Variants in CCDC102B observed in about 807,000 individuals in gnomAD.
CCDC102B encodes the protein coiled-coil domain containing 102B, also known as coiled-coil domain-containing protein 102B.
CCDC102B carries 75 observed loss-of-function variants against 57.4 expected under a neutral mutation model. That is an observed-to-expected ratio of 1.31 (90% CI 1.08 to 1.58). The LOEUF (loss-of-function observed/expected upper bound fraction) is 1.58, where lower values mean the gene tolerates loss of function less well. CCDC102B is among the 40% of genes most tolerant of loss of function. The pLI, the probability that CCDC102B is intolerant of heterozygous loss-of-function variation, is 0.00. For missense variants in CCDC102B, 636 were observed against 582.6 expected (o/e 1.09, Z -0.94); for synonymous variants, 206 against 201.9 (o/e 1.02, Z -0.17).
chr18:68,906,307 T>C (rs1306528786), intron 6 of CCDC102B, among the ~76,000 whole-genome samples: 1 of 152,210 alleles, frequency 6.6e-6, no homozygotes, highest in Non-Finnish European at 1.5e-5. Context: ...ATTATTTGAA[T>C]ATCTGTTTTC....
intron 2 of CCDC102B, among the ~76,000 whole-genome samples, chr18:68,784,051 A>C (rs760171292): frequency 1.3e-5 from 2 of 152,188 alleles, no homozygotes; most frequent in Non-Finnish European, 2.9e-5. Flanking sequence ...CTTAAGCTGC[A>C]CTGGCTTACC....
At chr18:68,862,823 A>T (rs1311121954) in intron 4 of CCDC102B, among the ~76,000 whole-genome samples, 1 of 152,056 alleles carries the variant, frequency 6.6e-6, no homozygotes, top group African/African-American at 2.4e-5. Flanking sequence ...GGCTATATAC[A>T]AAAATAGAAA....
At chr18:68,753,396 T>G (rs2033935408) in intron 2 of CCDC102B, 1 of 152,100 alleles carries the variant, frequency 6.6e-6, no homozygotes, top group African/African-American at 2.4e-5. Context: ...ATATCTCCAG[T>G]CTTGGGGATA....
chr18:68,717,217 C>T (rs1024702803), intron 2 of CCDC102B, among the ~76,000 whole-genome samples: 2 of 152,142 alleles, frequency 1.3e-5, no homozygotes, highest in Non-Finnish European at 2.9e-5. Flanking sequence ...GCATTCCAGC[C>T]TGGCAACAGA....
chr18:68,894,950 A>G (rs2040194070), intron 5 of CCDC102B, among the ~76,000 whole-genome samples: 1 of 151,960 alleles, frequency 6.6e-6, no homozygotes, highest in Non-Finnish European at 1.5e-5. Flanking sequence ...AACATTTAAA[A>G]GAATACTGCA....
intron 2 of CCDC102B, among the ~76,000 whole-genome samples, chr18:68,789,358 T>A (rs940848498): frequency 2.0e-5 from 3 of 152,158 alleles, no homozygotes; most frequent in Non-Finnish European, 4.4e-5. Flanking sequence ...CTGTATTTCC[T>A]GAATCTGAAC....
intron 2 of CCDC102B, among the ~76,000 whole-genome samples, chr18:68,739,900 C>T (rs140851935): frequency 6.6e-6 from 1 of 152,156 alleles, no homozygotes; most frequent in African/African-American, 2.4e-5. Context: ...TTGTTGTGTG[C>T]TGCCTTCTGA....
chr18:68,933,188 T>C (rs2145146102), intron 6 of CCDC102B, among the ~76,000 whole-genome samples: 1 of 151,990 alleles, frequency 6.6e-6, no homozygotes, highest in Non-Finnish European at 1.5e-5. Context: ...CAACATTTGT[T>C]AGTGGAGAAT....
At chr18:68,924,895 G>C (rs1025609522) in intron 6 of CCDC102B, among the ~76,000 whole-genome samples, 1 of 152,048 alleles carries the variant, frequency 6.6e-6, no homozygotes, top group African/African-American at 2.4e-5. Flanking sequence ...CAGGGGGCTA[G>C]TTAAAATACT....
chr18:68,876,812 A>G (rs1283864890), intron 5 of CCDC102B, among the ~76,000 whole-genome samples: 1 of 152,210 alleles, frequency 6.6e-6, no homozygotes, highest in East Asian at 1.9e-4. Context: ...CACTGGAGAA[A>G]AATAACAGTC....
Position 68,864,752 on chromosome 18 carries a change from T to C in CCDC102B, c.937-9917T>C, listed in dbSNP as rs558237544. On this transcript the variant is annotated intron_variant, in intron 4 of 7. Transcript: ENST00000360242. The stretch of plus-strand genomic sequence containing the variant: ...TCTTGCTCATTATTACATGAATTAA[T>C]TTTTGTACTGATAATAAAAAGATAC... Among the ~76,000 whole-genome samples the C allele has an allele frequency of 7.9e-5, 12 of 152,178 alleles. No homozygotes were observed. In the East Asian group the frequency reaches 1.9e-3, roughly 24 times the overall value.
At chr18:68,830,194 G>A (rs2037087390) in intron 1 of CCDC102B, among the ~76,000 whole-genome samples, 1 of 151,932 alleles carries the variant, frequency 6.6e-6, no homozygotes, top group South Asian at 2.1e-4. Flanking sequence ...TGTTTACATA[G>A]TAATGTAAAT....
chr18:69,038,100 G>T lies in CCDC102B; in HGVS notation c.1435-15930G>T, dbSNP rs190940874. ...CAGCCACCTCTATCACTATTTTGTG[G>T]TATTTTTGTTTTTATTTTTATATAT... On this transcript the variant is annotated intron_variant, in intron 7 of 7. Coordinates refer to ENST00000360242, the MANE Select transcript of CCDC102B (RefSeq NM_024781.3). 2.0e-5 allele frequency among the ~76,000 whole-genome samples: 3 copies of T among 151,800 alleles called. No individual in the cohort carries two copies. The Admixed American group carries it at 2.0e-4, about 10-fold the overall frequency.
At chr18:68,949,994 C>A (rs1220275019) in intron 6 of CCDC102B, among the ~76,000 whole-genome samples, 1 of 152,000 alleles carries the variant, frequency 6.6e-6, no homozygotes, top group East Asian at 1.9e-4. Flanking sequence ...GTCTATAATT[C>A]CTAAAATATT....
intron 6 of CCDC102B, among the ~76,000 whole-genome samples, chr18:68,976,659 A>G (rs1310155565): frequency 6.6e-6 from 1 of 152,016 alleles, no homozygotes. Flanking sequence ...ATGACCTTTT[A>G]AACATGATTT....
In CCDC102B at chr18:68,972,416, T is replaced by C. The variant is rs2050326632; in HGVS notation, c.1264-38518T>C. On this transcript the variant is annotated intron_variant, in intron 6 of 7. Coordinates refer to ENST00000360242, the MANE Select transcript of CCDC102B (RefSeq NM_024781.3). ...AGGGAAACCTGTGTCTTCCTAGGTTTCCAGGAATATTAGGGATTTCATTAC... is the reference window on the plus strand; with the variant it reads ...AGGGAAACCTGTGTCTTCCTAGGTTCCCAGGAATATTAGGGATTTCATTAC... Among the ~76,000 whole-genome samples the C allele has an allele frequency of 2.0e-5, 3 of 152,252 alleles. No homozygotes were observed. In the South Asian group the frequency reaches 6.2e-4, roughly 32 times the overall value.
chr18:68,997,549 A>G (rs1305560032), intron 6 of CCDC102B, among the ~76,000 whole-genome samples: 5 of 152,160 alleles, frequency 3.3e-5, no homozygotes, highest in African/African-American at 7.2e-5. Context: ...GTACATGTCA[A>G]GTAGACAGCT....
intron 2 of CCDC102B, among the ~76,000 whole-genome samples, chr18:68,763,311 A>G (rs1409504985): frequency 1.3e-5 from 2 of 152,076 alleles, no homozygotes; most frequent in African/African-American, 2.4e-5. Context: ...GGCGCCTGCA[A>G]TATTTAGACG....
rs925191663 is a variant in CCDC102B at position 69,028,905 on chromosome 18, CCTTT to C, written c.1434+17804_1434+17807del. On this transcript the variant is annotated intron_variant, in intron 7 of 7. Transcript: ENST00000360242. Reference sequence around the variant, plus strand: ...TTTTTTAAAAAAAAAACTAGAATTTCCTTTCTATTACATAAATTGTTCATGGCAT... The same window carrying C: ...TTTTTTAAAAAAAAAACTAGAATTTCCTATTACATAAATTGTTCATGGCAT... Among the ~76,000 whole-genome samples, 21 of 151,304 alleles carry C rather than the reference CCTTT, an allele frequency of 1.4e-4. No homozygotes were observed. In the Middle Eastern group the frequency reaches 0.01, roughly 74 times the overall value.
Sources: allele counts gnomAD v4.1 joint callset (sites outside exome capture counted in the v4.1 genomes callset), GRCh38; gene constraint gnomAD v4.1.1; transcripts MANE v1.5; gene names NCBI Gene and HGNC (gene_info 2026-07-23, HGNC 2026-07-21).